Variants in EDA observed in about 807,000 individuals in gnomAD.
EDA encodes ectodysplasin A.
EDA carries 2 observed loss-of-function variants against 23.6 expected under a neutral mutation model. That is an observed-to-expected ratio of 0.08 (90% CI 0.03 to 0.27). The LOEUF is 0.27. EDA is among the 10% of genes least tolerant of loss of function. The probability of loss-of-function intolerance (pLI) is 1.00; values close to 1 mark genes in which losing one functional copy is unlikely to be tolerated. For missense variants in EDA, 229 were observed against 324.2 expected, an observed-to-expected ratio of 0.71 and a Z score of 2.26; for synonymous variants, 131 against 132.0, an observed-to-expected ratio of 0.99 and a Z score of 0.05.
At chrX:70,023,037 G>A (rs1330099951) in intron 2 of EDA, 181 bp from the exon 3 acceptor site, 5 of 329,346 alleles carry the variant, frequency 1.5e-5, no homozygotes, top group Non-Finnish European at 2.8e-5. Context: ...TGTGGCCTCA[G>A]GAGTCAGAAG....
At chrX:69,638,891 T>C (rs1332439371) in intron 1 of EDA, among the ~76,000 whole-genome samples, 1 of 111,305 alleles carries the variant, frequency 9.0e-6, no homozygotes, top group Admixed American at 9.6e-5. Context: ...GTTTTTATCC[T>C]TCCAAATGGA....
At position 69,838,026 on chromosome X, in the gene EDA, C is replaced by T. The variant is rs187000015; in HGVS notation, c.397-119001C>T. On this transcript the variant is annotated intron_variant, in intron 1 of 7. Transcript: ENST00000374552. ...AAATCACTGTTTCTTTTCTCTGCCA[C>T]GATGTCTCAGCATTGTAAAGAGGAT... is the stretch of plus-strand genomic sequence containing the variant. Among the ~76,000 whole-genome samples, 5 of 112,292 alleles carry T rather than the reference C, an allele frequency of 4.5e-5. No individual in the cohort carries two copies. The East Asian group carries it at 8.4e-4, about 19-fold the overall frequency.
chrX:69,989,214 A>G (rs1326296038), intron 2 of EDA, among the ~76,000 whole-genome samples: 1 of 112,128 alleles, frequency 8.9e-6, no homozygotes, highest in Non-Finnish European at 1.9e-5. Flanking sequence ...CAGAGGCAAC[A>G]AAATCCAGAA....
At chrX:69,725,210 A>G (rs2012746530) in intron 1 of EDA, among the ~76,000 whole-genome samples, 2 of 110,975 alleles carry the variant, frequency 1.8e-5, no homozygotes, top group South Asian at 3.8e-4. Flanking sequence ...CAGAGACAAA[A>G]CCCTTCACAA....
At chrX:69,685,832 A>T (rs1312265260) in intron 1 of EDA, among the ~76,000 whole-genome samples, 1 of 112,578 alleles carries the variant, frequency 8.9e-6, no homozygotes, top group Non-Finnish European at 1.9e-5. Context: ...GTAGTATGTT[A>T]TGCAGCATTA....
At chrX:69,964,895 T>A (rs2019153441) in intron 2 of EDA, among the ~76,000 whole-genome samples, 1 of 112,080 alleles carries the variant, frequency 8.9e-6, no homozygotes, top group South Asian at 3.7e-4. Context: ...CTTCCTTTTT[T>A]AAAAAACTCA....
intron 1 of EDA, among the ~76,000 whole-genome samples, chrX:69,888,335 T>C (rs2017860180): frequency 9.1e-6 from 1 of 109,685 alleles, no homozygotes; most frequent in Non-Finnish European, 1.9e-5. Flanking sequence ...CATACCACCA[T>C]AGAAAATCAT....
At chrX:69,771,294 G>A (rs141483057) in intron 1 of EDA, among the ~76,000 whole-genome samples, 1,532 of 110,661 alleles carry the variant, frequency 0.014, 19 homozygotes, top group African/African-American at 0.046. Flanking sequence ...TCTTGACCCC[G>A]TGACCTGCCC....
chrX:69,754,425 G>A (rs774518795), intron 1 of EDA, among the ~76,000 whole-genome samples: 13 of 112,048 alleles, frequency 1.2e-4, no homozygotes, highest in Non-Finnish European at 2.3e-4. Flanking sequence ...AGTTTCTGCC[G>A]AGAGATCAGC....
chrX:69,972,882 A>G (rs1251121009), intron 2 of EDA, among the ~76,000 whole-genome samples: 2 of 111,015 alleles, frequency 1.8e-5, no homozygotes, highest in Non-Finnish European at 3.8e-5. Context: ...CTCCTTCCTT[A>G]CCTTATATGA....
chrX:69,889,723 A>T (rs2017894357), intron 1 of EDA, among the ~76,000 whole-genome samples: 1 of 111,737 alleles, frequency 8.9e-6, no homozygotes, highest in Non-Finnish European at 1.9e-5. Flanking sequence ...ATTTTCTCTC[A>T]TTCTGTAGGT....
intron 2 of EDA, among the ~76,000 whole-genome samples, chrX:70,013,977 C>T (rs2019911719): frequency 8.9e-6 from 1 of 112,198 alleles, no homozygotes; most frequent in Admixed American, 9.4e-5. Context: ...GCTGATTGCT[C>T]CAATCGGTAG....
At chrX:69,701,457 G>A (rs2011530857) in intron 1 of EDA, among the ~76,000 whole-genome samples, 1 of 112,310 alleles carries the variant, frequency 8.9e-6, no homozygotes, top group African/African-American at 3.2e-5. Flanking sequence ...TGGAGCTGCG[G>A]CCCTTGGGCC....
chrX:69,692,959 A>G, intron 1 of EDA: 1 of 112,065 alleles, frequency 8.9e-6, no homozygotes. Flanking sequence ...AAAGTTAAAG[A>G]CTATACTTTC....
chrX:69,827,420 A>T (rs1476731598), intron 1 of EDA, among the ~76,000 whole-genome samples: 1 of 110,387 alleles, frequency 9.1e-6, no homozygotes, highest in Admixed American at 9.7e-5. Flanking sequence ...TTTTTCTCTA[A>T]ACTTCCCTTC....
intron 1 of EDA, among the ~76,000 whole-genome samples, chrX:69,908,732 T>C (rs2018214886): frequency 9.1e-6 from 1 of 109,538 alleles, no homozygotes; most frequent in Non-Finnish European, 1.9e-5. Context: ...AAATGGTATA[T>C]GTAGGAGAAA....
chrX:69,649,484 G>C (rs1933032647), intron 1 of EDA, among the ~76,000 whole-genome samples: 2 of 111,341 alleles, frequency 1.8e-5, no homozygotes, highest in African/African-American at 3.3e-5. Flanking sequence ...ACTTTTTTTG[G>C]CTTATAGCAA....
At chrX:69,671,646 G>C (rs1407057116) in intron 1 of EDA, among the ~76,000 whole-genome samples, 7 of 111,504 alleles carry the variant, frequency 6.3e-5, no homozygotes, top group Non-Finnish European at 1.1e-4. Context: ...GGGGGAATAG[G>C]GTGGCAGAGG....
intron 1 of EDA, among the ~76,000 whole-genome samples, chrX:69,758,643 G>A (rs951414951): frequency 8.9e-6 from 1 of 111,924 alleles, no homozygotes; most frequent in Non-Finnish European, 1.9e-5. Context: ...AGACCAGTCT[G>A]GCCAACATTG....
Sources: gnomAD v4.1 joint callset for allele counts (sites outside exome capture counted in the v4.1 genomes callset) on GRCh38, gnomAD v4.1.1 for gene constraint, MANE v1.5 for transcripts, NCBI Gene and HGNC (gene_info 2026-07-23, HGNC 2026-07-21) for gene names.